The following MEGF10 variants were observed in gnomAD, a reference collection of about 807,000 sequenced individuals.
MEGF10 encodes the protein multiple EGF like domains 10.
Under a neutral mutation model 147.5 loss-of-function variants are expected in MEGF10, and 86 were observed. The ratio of observed to expected loss-of-function variants is 0.58; its 90% CI spans 0.49 to 0.70. MEGF10 has a LOEUF of 0.70. MEGF10 is among the 30% of genes least tolerant of loss of function. MEGF10 has a pLI of 0.00. For synonymous variants in MEGF10, 478 were observed against 525.5 expected (o/e 0.91, Z 1.24); for missense variants, 1,329 against 1,487.3 (o/e 0.89, Z 1.75).
At chr5:127,271,912 G>A in the MEGF10 span, among the ~76,000 whole-genome samples, 1 of 152,136 alleles carries the variant, frequency 6.6e-6, no homozygotes, top group Non-Finnish European at 1.5e-5. Flanking sequence ...CTTTTCCTGT[G>A]CAGAAGCTCT....
intron 16 of MEGF10, among the ~76,000 whole-genome samples, chr5:127,435,714 C>T (rs536555401): frequency 6.6e-6 from 1 of 151,812 alleles, no homozygotes; most frequent in East Asian, 1.9e-4. Flanking sequence ...TGGAAAGAAC[C>T]TAAATATGTA....
At chr5:127,380,415 G>T (rs1036153759) in intron 5 of MEGF10, among the ~76,000 whole-genome samples, 1 of 152,192 alleles carries the variant, frequency 6.6e-6, no homozygotes, top group Non-Finnish European at 1.5e-5. Flanking sequence ...GAGAGGGCGT[G>T]ATGCGAAGTC....
intron 5 of MEGF10, among the ~76,000 whole-genome samples, chr5:127,387,998 T>G (rs529276089): frequency 1.3e-5 from 2 of 152,294 alleles, no homozygotes; most frequent in Non-Finnish European, 2.9e-5. Flanking sequence ...ACACTCACAA[T>G]CACTCTCATT....
chr5:127,406,938 G>T (rs1367950170), intron 8 of MEGF10, among the ~76,000 whole-genome samples: 1 of 152,166 alleles, frequency 6.6e-6, no homozygotes, highest in African/African-American at 2.4e-5. Context: ...CATGATTGGT[G>T]CTCAGTGAGT....
intron 3 of MEGF10, 67 bp from the exon 4 acceptor site, chr5:127,340,463 C>T: frequency 2.6e-6 from 3 of 1,173,966 alleles, no homozygotes; most frequent in Non-Finnish European, 3.8e-6. Context: ...TTCTTCATAA[C>T]TAGTTTGAAA....
chr5:127,262,338 G>T, the MEGF10 span, among the ~76,000 whole-genome samples: 1 of 152,114 alleles, frequency 6.6e-6, no homozygotes, highest in East Asian at 1.9e-4. Context: ...TGGCTATCCA[G>T]GTGTCCCAGC....
intron 22 of MEGF10, 106 bp downstream of exon 22, chr5:127,449,328 A>G: frequency 6.7e-7 from 1 of 1,485,730 alleles, no homozygotes. Flanking sequence ...AACTTGCATC[A>G]AAAAGCACAA....
chr5:127,304,125 T>G (rs1759904459), intron 1 of MEGF10, among the ~76,000 whole-genome samples: 1 of 152,216 alleles, frequency 6.6e-6, no homozygotes. Flanking sequence ...ATTTTGGACA[T>G]TGAACTTGTT....
intron 4 of MEGF10, among the ~76,000 whole-genome samples, chr5:127,350,917 G>C (rs757225369): frequency 2.6e-4 from 40 of 151,728 alleles, no homozygotes; most frequent in Non-Finnish European, 3.8e-4. Flanking sequence ...ATCACCTCAA[G>C]CATTTATTAT....
intron 4 of MEGF10, among the ~76,000 whole-genome samples, chr5:127,349,761 C>T (rs543744666): frequency 1.3e-5 from 2 of 151,790 alleles, no homozygotes; most frequent in African/African-American, 4.8e-5. Flanking sequence ...TCCTTGACTA[C>T]TACCTTGATG....
the MEGF10 span, among the ~76,000 whole-genome samples, chr5:127,254,468 A>G: frequency 6.6e-6 from 1 of 152,160 alleles, no homozygotes; most frequent in African/African-American, 2.4e-5. Context: ...TTCATAGGTT[A>G]AAAGAGATAA....
intron 19 of MEGF10, among the ~76,000 whole-genome samples, chr5:127,443,967 T>C (rs1765846354): frequency 6.6e-6 from 1 of 152,246 alleles, no homozygotes; most frequent in African/African-American, 2.4e-5. Context: ...AGTAGAATAA[T>C]TGGGGTATAT....
the MEGF10 span, among the ~76,000 whole-genome samples, chr5:127,259,853 A>T: frequency 6.6e-6 from 1 of 152,126 alleles, no homozygotes. Context: ...ACTAGCTTAT[A>T]CTGTATAAGA....
At chr5:127,239,700 T>G in the MEGF10 span, among the ~76,000 whole-genome samples, 1 of 152,020 alleles carries the variant, frequency 6.6e-6, no homozygotes, top group Non-Finnish European at 1.5e-5. Context: ...CATTGATTGT[T>G]GTTGGCGCTT....
At position 127,434,760 on chromosome 5, in the gene MEGF10, C is replaced by T. The variant is rs1490813867; in HGVS notation, c.1914C>T (p.Cys638=). ...AGTGCGTTCACAGCAGCGGGCCCTG[C>T]CACCACATCACCGGCCTGTGTGACT... ...CPQCVHSSGP[C]HHITGLCDCL... The change falls in exon 15 of 25, where the codon TGC becomes TGT. Residue 638 remains cysteine (C), a synonymous_variant. Coordinates refer to ENST00000503335, the MANE Select transcript of MEGF10 (RefSeq NM_001256545.2). 1.9e-6 allele frequency: 3 copies of T among 1,613,968 alleles called. No individual in the cohort carries two copies. Among genetic ancestry groups the T allele is most frequent in the Non-Finnish European group, 2.5e-6 (3 of 1,180,026 alleles).
chr5:127,248,197 T>G, the MEGF10 span, among the ~76,000 whole-genome samples: 15 of 152,030 alleles, frequency 9.9e-5, no homozygotes, highest in African/African-American at 3.6e-4. Flanking sequence ...AAGCATAAAA[T>G]GAAGCCTGAA....
intron 1 of MEGF10, among the ~76,000 whole-genome samples, chr5:127,296,498 A>T (rs1211497555): frequency 1.3e-5 from 2 of 152,164 alleles, no homozygotes; most frequent in African/African-American, 4.8e-5. Flanking sequence ...TGATAGGTAC[A>T]TGTGCAGGAT....
At chr5:127,354,160 A>G (rs1386747573) in intron 4 of MEGF10, among the ~76,000 whole-genome samples, 1 of 152,184 alleles carries the variant, frequency 6.6e-6, no homozygotes, top group African/African-American at 2.4e-5. Context: ...TGTCTATATG[A>G]AAAATAGTTC....
intron 9 of MEGF10, among the ~76,000 whole-genome samples, chr5:127,417,162 C>T (rs1764807699): frequency 6.6e-6 from 1 of 152,184 alleles, no homozygotes; most frequent in African/African-American, 2.4e-5. Flanking sequence ...CCTGGTGGGT[C>T]AATGCGGCTG....
Sources: allele counts gnomAD v4.1 joint callset (sites outside exome capture counted in the v4.1 genomes callset), GRCh38; gene constraint gnomAD v4.1.1; transcripts MANE v1.5; gene names NCBI Gene and HGNC (gene_info 2026-07-23, HGNC 2026-07-21).